Variants in SMCR8 observed in about 807,000 individuals in gnomAD.
SMCR8 encodes SMCR8-C9orf72 complex subunit.
A neutral mutation model predicts 56.6 loss-of-function variants in SMCR8; 30 were observed. The observed-to-expected ratio is 0.53, with a 90% CI of 0.40 to 0.72. The LOEUF is 0.72. Among genes scored for constraint, SMCR8 ranks in the 30% least tolerant of loss-of-function variants. SMCR8 has a pLI of 0.00. For synonymous variants in SMCR8, 538 were observed against 456.0 expected (o/e 1.18, Z -2.29); for missense variants, 1,198 against 1,157.0 (o/e 1.04, Z -0.51).
Position 18,316,876 on chromosome 17 carries a change from A to C in SMCR8, c.1087A>C (p.Lys363Gln). The C allele has an allele frequency of 6.2e-7, 1 of 1,614,214 alleles. No homozygotes were observed. Among genetic ancestry groups the C allele is most frequent in the Non-Finnish European group, 8.5e-7 (1 of 1,180,036 alleles). ...CAGTCAGATTGATAGAGCACTTCTA[A>C]AACAACAGCATATAACAAACTTTCT... is the stretch of plus-strand genomic sequence containing the variant. ...LTSQIDRALL[K>Q]QQHITNFLFE... Residue 363 changes from lysine (K) to glutamine (Q), a missense_variant, in exon 1 of 2, where the codon AAA (lysine) becomes CAA (glutamine). Physicochemically the swap from Lys to Gln is moderately conservative, Grantham distance 53 (BLOSUM62 1). Coordinates refer to ENST00000406438, the MANE Select transcript of SMCR8 (RefSeq NM_144775.3).
At chr17:18,321,190 C>T (rs1211984648) in intron 1 of SMCR8, among the ~76,000 whole-genome samples, 1 of 152,230 alleles carries the variant, frequency 6.6e-6, no homozygotes, top group Non-Finnish European at 1.5e-5. Context: ...TTACACCATA[C>T]CTGTCTGACG....
In SMCR8 at chr17:18,322,983, G is replaced by A. The variant is rs199665400; in HGVS notation, c.2727G>A (p.Leu909=). ...TGGTCCAGTACCTGGCTGAGCTGCT[G>A]AAGCTGCACTACATGCAGGAATCTC... ...VRVVQYLAEL[L]KLHYMQESPG... Residue 909 remains leucine, a synonymous_variant, in exon 2 of 2, where the codon CTG becomes CTA. Coordinates refer to ENST00000406438, the MANE Select transcript of SMCR8 (RefSeq NM_144775.3). 7.0e-5 allele frequency: 113 copies of A among 1,614,100 alleles called. No individual in the cohort carries two copies. The highest frequency in any genetic ancestry group is 6.8e-6 in the Non-Finnish European group (8 of 1,180,052).
In SMCR8 at chr17:18,317,157, C is replaced by T; in HGVS notation, c.1368C>T (p.Asp456=). Residue 456 remains aspartate (D), a synonymous_variant, in exon 1 of 2, where the codon GAC becomes GAT. Transcript: ENST00000406438. ...GTTTCGACCCCCAGGAAAACTTGGA[C>T]TACCTGGATATGGATATGAAAGGGA... ...LSSFDPQENL[D]YLDMDMKGSI... 2 of 1,614,166 alleles carry T rather than the reference C, an allele frequency of 1.2e-6. No homozygotes were observed. The highest frequency in any genetic ancestry group is 1.7e-6 in the Non-Finnish European group (2 of 1,180,044).
At position 18,316,062 on chromosome 17, in the gene SMCR8, C is replaced by A; in HGVS notation, c.273C>A (p.Ser91=). Residue 91 remains serine, a synonymous_variant, in exon 1 of 2, where the codon TCC becomes TCA. Coordinates refer to ENST00000406438, the MANE Select transcript of SMCR8 (RefSeq NM_144775.3). ...VFGTFDLNYF[S]LRIMSVDYQA... ...GCACTTTTGATCTCAATTACTTCTC[C>A]CTGCGTATCATGTCTGTGGATTACC... is the stretch of plus-strand genomic sequence containing the variant. The A allele has an allele frequency of 6.2e-7, 1 of 1,614,132 alleles. No homozygotes were observed. The highest frequency in any genetic ancestry group is 8.5e-7 in the Non-Finnish European group (1 of 1,180,046).
In SMCR8 at chr17:18,317,234, C is replaced by T. The variant is rs777360512; in HGVS notation, c.1445C>T (p.Ser482Phe). Residue 482 changes from serine to phenylalanine, a missense_variant, in exon 1 of 2, where the codon TCC becomes TTC. By Grantham distance (155) the Ser-to-Phe change is radical (BLOSUM62 -2). Coordinates refer to ENST00000406438, the MANE Select transcript of SMCR8 (RefSeq NM_144775.3). ...IEVLGTEKST[S>F]VLSKSDSQAS... The stretch of plus-strand genomic sequence containing the variant: ...GTTTTGGGCACGGAGAAATCCACCT[C>T]CGTGCTTTCTAAATCTGACAGCCAG... The T allele has an allele frequency of 6.2e-7, 1 of 1,614,134 alleles. No individual in the cohort carries two copies. Among genetic ancestry groups the T allele is most frequent in the South Asian group, 1.1e-5 (1 of 91,082 alleles).
rs148991092 is a variant in SMCR8 at position 18,316,995 on chromosome 17, T to C, written c.1206T>C (p.Ser402=). 4.7e-4 allele frequency: 766 copies of C among 1,614,204 alleles called. 1 individual carries two copies. The African/African-American group carries it at 6.8e-3, about 14-fold the overall frequency. Residue 402 remains serine (S), a synonymous_variant, in exon 1 of 2, where the codon TCT becomes TCC. Transcript: ENST00000406438. ...KPSQDRPPSS[S]LEECPIPKVL... ...GTCAAGACAGGCCGCCTTCCAGTTC[T>C]CTAGAAGAATGCCCAATTCCTAAAG...
intron 1 of SMCR8, among the ~76,000 whole-genome samples, chr17:18,319,684 T>C (rs1392146414): frequency 6.6e-6 from 1 of 152,194 alleles, no homozygotes; most frequent in Non-Finnish European, 1.5e-5. Context: ...CAAGCTGGTA[T>C]CCTGTCATTT....
In SMCR8 at chr17:18,323,197, C is replaced by T. The variant is rs544825549; in HGVS notation, c.*127C>T. ...CTGGTGTCTGGCAGCATGGTTCCCA[C>T]GTGGCTCCTAGTAGTTTTTAAGTTG... On this transcript the variant is annotated 3_prime_UTR_variant, in exon 2 of 2. Coordinates refer to ENST00000406438, the MANE Select transcript of SMCR8 (RefSeq NM_144775.3). The T allele has an allele frequency of 1.6e-5, 13 of 828,094 alleles. No homozygotes were observed. The highest frequency in any genetic ancestry group is 1.1e-4 in the Admixed American group (4 of 35,228). 51.3% of individuals were successfully genotyped at this position (828,094 alleles called of 1,614,324 possible).
In SMCR8 at chr17:18,325,095, T is replaced by C. The variant is rs1487398229; in HGVS notation, c.*2025T>C. 6.6e-6 allele frequency: 1 copy of C among 152,234 alleles called. No individual in the cohort carries two copies. Among genetic ancestry groups the C allele is most frequent in the Non-Finnish European group, 1.5e-5 (1 of 68,050 alleles). 9.4% of individuals were successfully genotyped at this position (152,234 alleles called of 1,614,324 possible). On this transcript the variant is annotated 3_prime_UTR_variant, in exon 2 of 2. Transcript: ENST00000406438. ...CTACTTAGGCCTCCAAGGCCATAACTGTGCAACATTTTATCTGAGAAGGAA... is the reference window on the plus strand; with the variant it reads ...CTACTTAGGCCTCCAAGGCCATAACCGTGCAACATTTTATCTGAGAAGGAA...
At chr17:18,318,425 C>T (rs1435402435) in intron 1 of SMCR8, among the ~76,000 whole-genome samples, 5 of 152,056 alleles carry the variant, frequency 3.3e-5, no homozygotes, top group Admixed American at 2.6e-4. Context: ...TTTTTTGCAA[C>T]GAAGTCTCGC....
At chr17:18,320,875 G>C (rs1262654999) in intron 1 of SMCR8, among the ~76,000 whole-genome samples, 1 of 152,180 alleles carries the variant, frequency 6.6e-6, no homozygotes, top group African/African-American at 2.4e-5. Context: ...CTGCTTCTGA[G>C]GGCCAGCTCT....
At chr17:18,320,951 G>A (rs1293176621) in intron 1 of SMCR8, among the ~76,000 whole-genome samples, 1 of 152,178 alleles carries the variant, frequency 6.6e-6, no homozygotes, top group Non-Finnish European at 1.5e-5. Context: ...ATGAGACCTT[G>A]TCTCCCTTCA....
rs1372776033 is a variant in SMCR8, at chr17:18,316,199, A to C, written c.410A>C (p.His137Pro). ...DSKEGAFAYV[H>P]HLTLYDLEAR... ...AAGGAGGGCGCCTTTGCATACGTGC[A>C]CCACCTTACCCTATACGACCTGGAG... Residue 137 changes from histidine to proline, a missense_variant, in exon 1 of 2, where the codon CAC becomes CCC. Coordinates refer to ENST00000406438, the MANE Select transcript of SMCR8 (RefSeq NM_144775.3). The C allele has an allele frequency of 6.2e-7, 1 of 1,613,986 alleles. No homozygotes were observed. Among genetic ancestry groups the C allele is most frequent in the Admixed American group, 1.7e-5 (1 of 60,014 alleles).
chr17:18,319,803 C>T (rs1199543176), intron 1 of SMCR8, among the ~76,000 whole-genome samples: 1 of 152,190 alleles, frequency 6.6e-6, no homozygotes, highest in Non-Finnish European at 1.5e-5. Flanking sequence ...CCACTGCAGC[C>T]TCTGCTTCCT....
rs1301975190 is a variant in SMCR8, at chr17:18,317,864, C to T, written c.2075C>T (p.Ala692Val). Residue 692 changes from alanine to valine, a missense_variant, in exon 1 of 2, where the codon GCT becomes GTT. Transcript: ENST00000406438. Reference sequence around the variant, plus strand: ...ACCAGCTCAGACAGGATCCCCTCTGCTTATCCTGCTGGCCTGTCTTCCGAT... The same window carrying T: ...ACCAGCTCAGACAGGATCCCCTCTGTTTATCCTGCTGGCCTGTCTTCCGAT... ...ASTSSDRIPS[A>V]YPAGLSSDRH... 1.2e-6 allele frequency: 2 copies of T among 1,614,088 alleles called. No individual in the cohort carries two copies. The highest frequency in any genetic ancestry group is 2.2e-5 in the East Asian group (1 of 44,902).
At chr17:18,322,075 G>A (rs1982514592) in intron 1 of SMCR8, among the ~76,000 whole-genome samples, 3 of 152,148 alleles carry the variant, frequency 2.0e-5, no homozygotes, top group Non-Finnish European at 2.9e-5. Flanking sequence ...GCAGTGGCAC[G>A]ATTTTGGCTC....
rs1982652676 is a variant in SMCR8, at chr17:18,326,343, C to T, written c.*3273C>T. The T allele has an allele frequency of 6.6e-6, 1 of 152,212 alleles. No homozygotes were observed. Among genetic ancestry groups the T allele is most frequent in the South Asian group, 2.1e-4 (1 of 4,834 alleles). The allele number at this position is 152,212 out of a possible 1,614,324, so 9.4% of individuals were successfully genotyped here. Reference sequence around the variant, plus strand: ...GTTGTGGACTGGTGATTTTCAAAAGCCCCACTTTAGAGATCAGGCCACAGC... The same window carrying T: ...GTTGTGGACTGGTGATTTTCAAAAGTCCCACTTTAGAGATCAGGCCACAGC... On this transcript the variant is annotated 3_prime_UTR_variant, in exon 2 of 2. Transcript: ENST00000406438.
rs749743580 is a variant in SMCR8 at position 18,316,649 on chromosome 17, C to T, written c.860C>T (p.Pro287Leu). ...AGCCAGGCATCCACTACCTCTAACC[C>T]TGATGAGTCTGCCGACACAGACCTT... ...QASQASTTSN[P>L]DESADTDLYT... The change falls in exon 1 of 2, where the codon CCT (proline) becomes CTT (leucine). Residue 287 changes from proline to leucine, a missense_variant. Physicochemically the swap from Pro to Leu is moderately conservative, Grantham distance 98 (BLOSUM62 -3). Coordinates refer to ENST00000406438, the MANE Select transcript of SMCR8 (RefSeq NM_144775.3). The T allele has an allele frequency of 1.2e-6, 2 of 1,614,092 alleles. No individual in the cohort carries two copies. The highest frequency in any genetic ancestry group is 1.7e-6 in the Non-Finnish European group (2 of 1,180,054).
Position 18,316,129 on chromosome 17 carries a change from A to G in SMCR8, c.340A>G (p.Lys114Glu), listed in dbSNP as rs1982266950. 6.2e-7 allele frequency: 1 copy of G among 1,613,986 alleles called. No individual in the cohort carries two copies. Among genetic ancestry groups the G allele is most frequent in the Admixed American group, 1.7e-5 (1 of 59,992 alleles). The change falls in exon 1 of 2, where the codon AAG becomes GAG. Residue 114 changes from lysine (K) to glutamate (E), a missense_variant. Physicochemically the swap from Lys to Glu is moderately conservative, Grantham distance 56. Coordinates refer to ENST00000406438, the MANE Select transcript of SMCR8 (RefSeq NM_144775.3). Reference protein sequence around the residue: ...VGHPPGSAYPKLNFVEDSKVV... With the variant: ...VGHPPGSAYPELNFVEDSKVV... ...CCATCCTCCTGGATCTGCCTACCCCAAGCTGAACTTCGTGGAGGACTCCAA... is the reference window on the plus strand; with the variant it reads ...CCATCCTCCTGGATCTGCCTACCCCGAGCTGAACTTCGTGGAGGACTCCAA...
Sources: allele counts gnomAD v4.1 joint callset (sites outside exome capture counted in the v4.1 genomes callset), GRCh38; gene constraint gnomAD v4.1.1; transcripts MANE v1.5; gene names NCBI Gene and HGNC (gene_info 2026-07-23, HGNC 2026-07-21).